Variants in IGSF10 observed in about 807,000 individuals in gnomAD.
The protein encoded by IGSF10 is immunoglobulin superfamily member 10, also known as calvaria mechanical force protein 608.
Under a neutral mutation model 128.2 loss-of-function variants are expected in IGSF10, and 126 were observed. That is an observed-to-expected ratio of 0.98 (90% CI 0.85 to 1.14). The LOEUF (loss-of-function observed/expected upper bound fraction) is 1.14. Among genes scored for constraint, IGSF10 ranks in the 50% most tolerant of loss-of-function variants. The pLI is 0.00. For missense variants in IGSF10, 3,295 were observed against 3,149.8 expected (o/e 1.05, Z -1.10); for synonymous variants, 1,185 against 1,146.2 (o/e 1.03, Z -0.68).
At chr3:151,576,468 A>G in the IGSF10 span, among the ~76,000 whole-genome samples, 1 of 152,118 alleles carries the variant, frequency 6.6e-6, no homozygotes, top group Non-Finnish European at 1.5e-5. Context: ...TTTGCAAGCC[A>G]ATCTGAATTT....
At position 151,447,729 on chromosome 3, in the gene IGSF10, A is replaced by G. The variant is rs1721282438; in HGVS notation, c.2252T>C (p.Ile751Thr). 6.2e-7 allele frequency: 1 copy of G among 1,614,120 alleles called. No individual in the cohort carries two copies. The change falls in exon 6 of 8, where the codon ATT becomes ACT. Residue 751 changes from isoleucine (I) to threonine (T), a missense_variant. Transcript: ENST00000282466. ...CAGTGCCGCCCAATGTTGTGGGTCA[A>G]TTCTCCTAGCAGAGGGAGGGAAATG... is the stretch of plus-strand genomic sequence containing the variant. Reference protein sequence around the residue: ...RRHFPPSARRIDPQHWAALLE... With the variant: ...RRHFPPSARRTDPQHWAALLE...
chr3:151,512,056 T>A, the IGSF10 span, among the ~76,000 whole-genome samples: 1 of 152,010 alleles, frequency 6.6e-6, no homozygotes, highest in East Asian at 1.9e-4. Context: ...ACAGATCAAC[T>A]AGACAGAAAG....
the IGSF10 span, among the ~76,000 whole-genome samples, chr3:151,579,066 C>G: frequency 3.9e-5 from 6 of 152,106 alleles, no homozygotes; most frequent in African/African-American, 7.2e-5. Context: ...AGACTAAAGT[C>G]AAGGGTTGAA....
chr3:151,482,881 G>C, the IGSF10 span, among the ~76,000 whole-genome samples: 4 of 148,852 alleles, frequency 2.7e-5, no homozygotes, highest in South Asian at 6.5e-4. Context: ...GGAGAGAATG[G>C]GATGATACAG....
At chr3:151,617,374 CT>C in the IGSF10 span, among the ~76,000 whole-genome samples, 8 of 141,080 alleles carry the variant, frequency 5.7e-5, no homozygotes, top group Non-Finnish European at 1.2e-4. Context: ...CTTCTTCTCC[CT>C]TTTCTTCTCT....
At chr3:151,580,765 C>T in the IGSF10 span, among the ~76,000 whole-genome samples, 10 of 152,158 alleles carry the variant, frequency 6.6e-5, no homozygotes, top group Non-Finnish European at 1.3e-4. Context: ...TGATTTATTG[C>T]CTTTGTAATT....
the IGSF10 span, among the ~76,000 whole-genome samples, chr3:151,537,049 A>G: frequency 6.6e-6 from 1 of 152,200 alleles, no homozygotes; most frequent in Non-Finnish European, 1.5e-5. Flanking sequence ...TCTTTCCAAT[A>G]ACAATATTTG....
chr3:151,615,866 C>A, the IGSF10 span, among the ~76,000 whole-genome samples: 2 of 151,888 alleles, frequency 1.3e-5, no homozygotes, highest in Non-Finnish European at 2.9e-5. Flanking sequence ...TCAACTGTGA[C>A]AACTTGGAGT....
the IGSF10 span, among the ~76,000 whole-genome samples, chr3:151,605,221 T>C: frequency 1.3e-5 from 2 of 152,100 alleles, no homozygotes; most frequent in Non-Finnish European, 2.9e-5. Flanking sequence ...ATCACATGCA[T>C]GTGAATGACC....
At chr3:151,498,720 A>C in the IGSF10 span, among the ~76,000 whole-genome samples, 1 of 152,172 alleles carries the variant, frequency 6.6e-6, no homozygotes. Context: ...AACTAAAAGC[A>C]GACAGCCATT....
chr3:151,539,350 TG>T, the IGSF10 span, among the ~76,000 whole-genome samples: 1 of 152,162 alleles, frequency 6.6e-6, no homozygotes, highest in Non-Finnish European at 1.5e-5. Context: ...TAGCTATGAC[TG>T]CCCTCTTCCT....
the IGSF10 span, among the ~76,000 whole-genome samples, chr3:151,517,586 G>A: frequency 5.9e-5 from 9 of 152,044 alleles, no homozygotes; most frequent in African/African-American, 2.2e-4. Flanking sequence ...TGAATGATAT[G>A]CTGAGACTGG....
chr3:151,526,327 GT>G, the IGSF10 span, among the ~76,000 whole-genome samples: 19 of 144,074 alleles, frequency 1.3e-4, no homozygotes, highest in South Asian at 1.1e-3. Context: ...TTTCTTGATT[GT>G]TTTTTTTTTC....
chr3:151,497,095 G>A, the IGSF10 span, among the ~76,000 whole-genome samples: 2 of 152,024 alleles, frequency 1.3e-5, no homozygotes, highest in African/African-American at 2.4e-5. Flanking sequence ...AGATGAGTAG[G>A]TTGCAAAAAT....
At chr3:151,516,699 T>A in the IGSF10 span, among the ~76,000 whole-genome samples, 1 of 151,786 alleles carries the variant, frequency 6.6e-6, no homozygotes, top group Admixed American at 6.6e-5. Context: ...TTAACCTACA[T>A]CATATGGGTT....
At chr3:151,607,707 A>T in the IGSF10 span, among the ~76,000 whole-genome samples, 11 of 151,404 alleles carry the variant, frequency 7.3e-5, no homozygotes, top group East Asian at 1.4e-3. Flanking sequence ...GTCAGGAGAT[A>T]GAGACCATCC....
chr3:151,521,221 G>C, the IGSF10 span, among the ~76,000 whole-genome samples: 1 of 151,866 alleles, frequency 6.6e-6, no homozygotes, highest in African/African-American at 2.4e-5. Context: ...GATTCATAAA[G>C]AAAGTTCTTA....
rs148001595 is a variant in IGSF10, at chr3:151,446,920, G to T, written c.3061C>A (p.Arg1021=). The change falls in exon 6 of 8, where the codon CGG becomes AGG. Residue 1021 remains arginine, a synonymous_variant. Transcript: ENST00000282466. ...GGAGTTCTATATGGGCTGATAATCC[G>T]CCCCCTTCCGCCAATTTTCCTCTGC... is the stretch of plus-strand genomic sequence containing the variant. The part of the protein sequence containing the change: ...GRQRKIGGRG[R]IISPYRTPVL... 23 of 1,613,986 alleles carry T rather than the reference G, an allele frequency of 1.4e-5. No individual in the cohort carries two copies. Among genetic ancestry groups the T allele is most frequent in the Non-Finnish European group, 1.9e-5 (23 of 1,179,994 alleles).
At position 151,437,290 on chromosome 3, in the gene IGSF10, A is replaced by G; in HGVS notation, c.7271T>C (p.Val2424Ala). The change falls in exon 8 of 8, where the codon GTC becomes GCC. Residue 2424 changes from valine (V) to alanine (A), a missense_variant. By Grantham distance (64) the Val-to-Ala change is moderately conservative. Coordinates refer to ENST00000282466, the MANE Select transcript of IGSF10 (RefSeq NM_178822.5). ...RNKVGYIEKL[V>A]ILEIGQKPVI... ...TGGCTTCTGGCCAATTTCTAATATG[A>G]CTAATTTCTCAATATAGCCAACTTT... 1 of 1,614,170 alleles carries G rather than the reference A, an allele frequency of 6.2e-7. No individual in the cohort carries two copies.
Sources: gnomAD v4.1 joint callset for allele counts (sites outside exome capture counted in the v4.1 genomes callset) on GRCh38, gnomAD v4.1.1 for gene constraint, MANE v1.5 for transcripts, NCBI Gene and HGNC (gene_info 2026-07-23, HGNC 2026-07-21) for gene names.